Variants in ARID1B observed in about 807,000 individuals in gnomAD.
ARID1B encodes AT-rich interactive domain-containing protein 1B.
ARID1B carries 30 observed loss-of-function variants against 212.3 expected under a neutral mutation model. The ratio of observed to expected loss-of-function variants is 0.14; its 90% CI spans 0.11 to 0.19. The LOEUF is 0.19. ARID1B is among the 10% of genes least tolerant of loss of function. The pLI, the probability that ARID1B is intolerant of heterozygous loss-of-function variation, is 1.00. For missense variants in ARID1B, 2,891 were observed against 3,204.0 expected (o/e 0.90, Z 2.36); for synonymous variants, 1,402 against 1,301.7 (o/e 1.08, Z -1.66).
chr6:157,058,970 T>C (rs1291854876), intron 4 of ARID1B, among the ~76,000 whole-genome samples: 1 of 152,110 alleles, frequency 6.6e-6, no homozygotes, highest in Admixed American at 6.5e-5. Flanking sequence ...CTGCGGATTT[T>C]GGTAGGAAAG....
intron 2 of ARID1B, among the ~76,000 whole-genome samples, chr6:156,889,494 C>T (rs1000123378): frequency 6.6e-6 from 1 of 152,158 alleles, no homozygotes. Flanking sequence ...CATTTGACTG[C>T]CAGTGAATGC....
chr6:157,167,233 C>T (rs1278099396), intron 9 of ARID1B, 48 bp downstream of exon 9: 1 of 1,576,612 alleles, frequency 6.3e-7, no homozygotes, highest in Non-Finnish European at 8.6e-7. Flanking sequence ...CTCCCCTCTC[C>T]TCCTCTTAGG....
chr6:157,051,564 T>C (rs1303395124), intron 4 of ARID1B, among the ~76,000 whole-genome samples: 1 of 152,362 alleles, frequency 6.6e-6, no homozygotes, highest in Middle Eastern at 3.4e-3. Flanking sequence ...TAGGTTATAC[T>C]GAAATGTAAT....
At chr6:156,912,397 T>C (rs1275964044) in intron 3 of ARID1B, among the ~76,000 whole-genome samples, 1 of 152,102 alleles carries the variant, frequency 6.6e-6, no homozygotes, top group Non-Finnish European at 1.5e-5. Context: ...CAGCCCCATC[T>C]TATTAAACCT....
intron 16 of ARID1B, 162 bp from the exon 17 acceptor site, chr6:157,198,649 T>G: frequency 1.7e-6 from 1 of 577,840 alleles, no homozygotes; most frequent in South Asian, 2.4e-5. Flanking sequence ...GTGCTAACAG[T>G]TGGCGTGCAG....
chr6:157,098,323 C>G (rs1318708404), intron 5 of ARID1B, among the ~76,000 whole-genome samples: 1 of 152,164 alleles, frequency 6.6e-6, no homozygotes, highest in Non-Finnish European at 1.5e-5. Context: ...TCTTTTCTTA[C>G]AGATAGCAGA....
intron 6 of ARID1B, among the ~76,000 whole-genome samples, chr6:157,129,962 C>T (rs1342534219): frequency 6.6e-6 from 1 of 152,002 alleles, no homozygotes; most frequent in Non-Finnish European, 1.5e-5. Flanking sequence ...TGAGGTCAGG[C>T]GTTCGAGACC....
chr6:156,828,819 A>C (rs927086198), intron 1 of ARID1B, among the ~76,000 whole-genome samples: 18 of 152,230 alleles, frequency 1.2e-4, no homozygotes, highest in African/African-American at 4.3e-4. Context: ...TTGTTCTAAG[A>C]ATACTTTGAA....
intron 4 of ARID1B, among the ~76,000 whole-genome samples, chr6:156,994,010 G>C (rs1452169969): frequency 6.6e-6 from 1 of 152,212 alleles, no homozygotes; most frequent in Non-Finnish European, 1.5e-5. Flanking sequence ...ATAACAGAAA[G>C]CATTATGTAG....
chr6:157,073,338 A>G (rs1784104097), intron 4 of ARID1B, among the ~76,000 whole-genome samples: 1 of 152,118 alleles, frequency 6.6e-6, no homozygotes, highest in Non-Finnish European at 1.5e-5. Context: ...TCCTGACCTC[A>G]GGTGATCTGC....
At chr6:156,826,983 CTAAA>C (rs1449698227) in intron 1 of ARID1B, among the ~76,000 whole-genome samples, 1 of 152,128 alleles carries the variant, frequency 6.6e-6, no homozygotes, top group East Asian at 1.9e-4. Context: ...TATATTCCTC[CTAAA>C]TAAAGTTCAT....
At chr6:156,996,286 T>C (rs1230982523) in intron 4 of ARID1B, among the ~76,000 whole-genome samples, 1 of 152,208 alleles carries the variant, frequency 6.6e-6, no homozygotes, top group Non-Finnish European at 1.5e-5. Context: ...AGGATTTCTT[T>C]TCCTGCAGCG....
Position 157,198,834 on chromosome 6 carries a change from A to G in ARID1B, c.4406A>G (p.Tyr1469Cys). ...AGGCATGAACCTTATGGGCAGCAGT[A>G]TCCAGGCCAAGGCCCTCCCTCGGGA... ...DRRHEPYGQQYPGQGPPSGQP... is the reference protein window; with the variant it reads ...DRRHEPYGQQCPGQGPPSGQP... Residue 1469 changes from tyrosine (Y) to cysteine (C), a missense_variant, in exon 17 of 20, where the codon TAT becomes TGT. Tyr to Cys is a radical substitution (Grantham distance 194, BLOSUM62 -2). Transcript: ENST00000636930. 1.2e-6 allele frequency: 2 copies of G among 1,612,324 alleles called. No individual in the cohort carries two copies. Among genetic ancestry groups the G allele is most frequent in the Non-Finnish European group, 1.7e-6 (2 of 1,179,326 alleles).
chr6:156,798,085 A>G (rs995018157), intron 1 of ARID1B, among the ~76,000 whole-genome samples: 9 of 152,206 alleles, frequency 5.9e-5, no homozygotes, highest in African/African-American at 2.2e-4. Flanking sequence ...CGAGAGATGG[A>G]TAGGAAGCCA....
chr6:156,886,014 C>A (rs1787472911), intron 2 of ARID1B, among the ~76,000 whole-genome samples: 1 of 151,994 alleles, frequency 6.6e-6, no homozygotes, highest in African/African-American at 2.4e-5. Flanking sequence ...TTGGAGCATC[C>A]AAGATTTTGG....
At chr6:157,011,753 T>C (rs1779622421) in intron 4 of ARID1B, among the ~76,000 whole-genome samples, 1 of 152,230 alleles carries the variant, frequency 6.6e-6, no homozygotes, top group African/African-American at 2.4e-5. Flanking sequence ...TAAGACTTCC[T>C]ACTGTTGTCT....
chr6:157,177,812 G>A (rs1386371497), intron 11 of ARID1B, among the ~76,000 whole-genome samples: 3 of 152,270 alleles, frequency 2.0e-5, no homozygotes, highest in Non-Finnish European at 2.9e-5. Flanking sequence ...ACACTGAGGC[G>A]GTACTAGGTA....
At chr6:157,202,917 AATAC>A (rs1373348692) in intron 18 of ARID1B, among the ~76,000 whole-genome samples, 1 of 152,120 alleles carries the variant, frequency 6.6e-6, no homozygotes, top group African/African-American at 2.4e-5. Context: ...TGTTTAAATA[AATAC>A]ATCTAAATTT....
intron 4 of ARID1B, among the ~76,000 whole-genome samples, chr6:156,944,403 C>A (rs1792905688): frequency 6.6e-6 from 1 of 152,142 alleles, no homozygotes; most frequent in South Asian, 2.1e-4. Flanking sequence ...TCTCCCTCTT[C>A]TTGTTCATCC....
Sources: gnomAD v4.1 joint callset for allele counts (sites outside exome capture counted in the v4.1 genomes callset) on GRCh38, gnomAD v4.1.1 for gene constraint, MANE v1.5 for transcripts, NCBI Gene and HGNC (gene_info 2026-07-23, HGNC 2026-07-21) for gene names.